The following PIRT variants were observed in gnomAD, a reference collection of about 807,000 sequenced individuals.
PIRT encodes phosphoinositide interacting regulator of transient receptor potential channels, also known as phosphoinositide-interacting protein.
A neutral mutation model predicts 7.9 loss-of-function variants in PIRT; 6 were observed. That is an observed-to-expected ratio of 0.76 (90% CI 0.42 to 1.51). The LOEUF is 1.51. Among genes scored for constraint, PIRT ranks in the 40% most tolerant of loss-of-function variants. The pLI is 0.01. For synonymous variants in PIRT, 78 were observed against 71.8 expected, an observed-to-expected ratio of 1.09 and a Z score of -0.44; for missense variants, 170 against 172.9, an observed-to-expected ratio of 0.98 and a Z score of 0.09.
intron 1 of PIRT, among the ~76,000 whole-genome samples, chr17:10,829,126 T>A (rs915298448): frequency 6.6e-6 from 1 of 152,236 alleles, no homozygotes; most frequent in African/African-American, 2.4e-5. Flanking sequence ...TGGTCTCATA[T>A]GAGGATGTTT....
At chr17:10,833,823 A>G (rs1905520491) in intron 1 of PIRT, among the ~76,000 whole-genome samples, 1 of 152,210 alleles carries the variant, frequency 6.6e-6, no homozygotes, top group African/African-American at 2.4e-5. Context: ...AATGGGCCAA[A>G]TGTTTAAATA....
At chr17:10,836,684 C>T (rs971314812) in intron 1 of PIRT, among the ~76,000 whole-genome samples, 1 of 152,104 alleles carries the variant, frequency 6.6e-6, no homozygotes, top group Non-Finnish European at 1.5e-5. Context: ...TCTGATAGCA[C>T]CTGGGCTGTT....
rs1183021989 is a variant in PIRT at position 10,825,764 on chromosome 17, G to A, written c.-119C>T. The A allele has an allele frequency of 3.0e-6, 3 of 1,002,182 alleles. No individual in the cohort carries two copies. Among genetic ancestry groups the A allele is most frequent in the Non-Finnish European group, 4.0e-6 (3 of 755,966 alleles). 62.1% of individuals were successfully genotyped at this position (1,002,182 alleles called of 1,614,324 possible). A position where few individuals can be genotyped will look rare whatever the true frequency, so the allele number is the denominator to read the frequency against. ...CATCTCTAGCCCCGCTCTCAGTGGA[G>A]GGTGAACAAGGTTTTTGTGCTGAAG... On this transcript the variant is annotated 5_prime_UTR_variant, in exon 2 of 2. Coordinates refer to ENST00000580256, the MANE Select transcript of PIRT (RefSeq NM_001101387.2).
chr17:10,824,034 T>C lies in PIRT; in HGVS notation c.*1198A>G, dbSNP rs1905260548. ...GTAACTCTTATCTTTCCTTTTGTTT[T>C]TGGGTTGGAGGACATGGCCTCCAGG... On this transcript the variant is annotated 3_prime_UTR_variant, in exon 2 of 2. Coordinates refer to ENST00000580256, the MANE Select transcript of PIRT (RefSeq NM_001101387.2). The C allele has an allele frequency of 6.6e-6, 1 of 152,236 alleles. No homozygotes were observed. Among genetic ancestry groups the C allele is most frequent in the Non-Finnish European group, 1.5e-5 (1 of 68,060 alleles). 9.4% of individuals were successfully genotyped at this position (152,236 alleles called of 1,614,324 possible). A position where few individuals can be genotyped will look rare whatever the true frequency, so the allele number is the denominator to read the frequency against.
Position 10,825,439 on chromosome 17 carries a change from G to T in PIRT, c.207C>A (p.Gly69=), listed in dbSNP as rs1304628469. Reference sequence around the variant, plus strand: ...TGTAGGCCAAGCAGGTGATGACCACGCCGAAAAGCAGGATGGCACCGCCCA... The same window carrying T: ...TGTAGGCCAAGCAGGTGATGACCACTCCGAAAAGCAGGATGGCACCGCCCA... ...MSVGGAILLF[G]VVITCLAYTL... The change falls in exon 2 of 2, where the codon GGC becomes GGA. Residue 69 remains glycine, a synonymous_variant. Transcript: ENST00000580256. 2 of 1,613,958 alleles carry T rather than the reference G, an allele frequency of 1.2e-6. No homozygotes were observed. Among genetic ancestry groups the T allele is most frequent in the Admixed American group, 1.7e-5 (1 of 60,020 alleles).
chr17:10,834,533 G>A (rs929261118), intron 1 of PIRT, among the ~76,000 whole-genome samples: 7 of 152,154 alleles, frequency 4.6e-5, no homozygotes, highest in African/African-American at 1.7e-4. Context: ...AGTGACATTG[G>A]TGGGGTTTGC....
intron 1 of PIRT, among the ~76,000 whole-genome samples, chr17:10,834,248 G>T (rs931589808): frequency 8.5e-5 from 13 of 152,178 alleles, no homozygotes; most frequent in African/African-American, 2.7e-4. Flanking sequence ...AGGATAAATG[G>T]TTGTATAATC....
chr17:10,826,681 C>T (rs538059258), intron 1 of PIRT, among the ~76,000 whole-genome samples: 1 of 152,368 alleles, frequency 6.6e-6, no homozygotes, highest in South Asian at 2.1e-4. Context: ...CGATAAGGAA[C>T]AGCCTGAGCT....
intron 1 of PIRT, among the ~76,000 whole-genome samples, chr17:10,833,594 A>C (rs971837289): frequency 6.6e-6 from 1 of 152,156 alleles, no homozygotes; most frequent in Non-Finnish European, 1.5e-5. Flanking sequence ...CTCTGCTAAA[A>C]ATACAAAAAA....
Position 10,834,685 on chromosome 17 carries a change from G to A in PIRT, c.-139+3260C>T, listed in dbSNP as rs902154148. Among the ~76,000 whole-genome samples the A allele has an allele frequency of 1.8e-4, 27 of 152,088 alleles. 1 individual carries two copies. Among genetic ancestry groups the A allele is most frequent in the Admixed American group, 8.5e-4 (13 of 15,272 alleles). On this transcript the variant is annotated intron_variant, in intron 1 of 1. Coordinates refer to ENST00000580256, the MANE Select transcript of PIRT (RefSeq NM_001101387.2). Reference sequence around the variant, plus strand: ...CAGCTCACAGCAACCTCTGCCTCCCGGGTTCACGCCATTCTCCTGCCTCAG... The same window carrying A: ...CAGCTCACAGCAACCTCTGCCTCCCAGGTTCACGCCATTCTCCTGCCTCAG...
intron 1 of PIRT, among the ~76,000 whole-genome samples, chr17:10,830,331 A>C (rs1905434733): frequency 6.6e-6 from 1 of 152,200 alleles, no homozygotes; most frequent in South Asian, 2.1e-4. Flanking sequence ...CAAGTCACTA[A>C]ACTTACTTGC....
chr17:10,835,302 C>T (rs888520465), intron 1 of PIRT, among the ~76,000 whole-genome samples: 14 of 152,332 alleles, frequency 9.2e-5, no homozygotes, highest in African/African-American at 2.6e-4. Flanking sequence ...GTGGGAGCCA[C>T]GCTAAATGCT....
chr17:10,833,156 C>T (rs980682179), intron 1 of PIRT, among the ~76,000 whole-genome samples: 12 of 152,170 alleles, frequency 7.9e-5, no homozygotes, highest in African/African-American at 2.9e-4. Context: ...GCTGGAACAA[C>T]TGGATATTCA....
Position 10,825,623 on chromosome 17 carries a change from T to C in PIRT, c.23A>G (p.Lys8Arg), listed in dbSNP as rs1046410917. The C allele has an allele frequency of 1.0e-5, 15 of 1,496,988 alleles. No individual in the cohort carries two copies. The highest frequency in any genetic ancestry group is 8.9e-7 in the Non-Finnish European group (1 of 1,120,390). 92.7% of individuals were successfully genotyped at this position (1,496,988 alleles called of 1,614,324 possible). The change falls in exon 2 of 2, where the codon AAG becomes AGG. Residue 8 changes from lysine (K) to arginine (R), a missense_variant. By Grantham distance (26) the Lys-to-Arg change is conservative. Transcript: ENST00000580256. Reference protein sequence around the residue: MTMETLPKVLEVDEKSPE... With the variant: MTMETLPRVLEVDEKSPE... ...AGACTTCTCATCGACCTCTAGAACC[T>C]TGGGGAGAGTCTCCATCGTCATGGT...
intron 1 of PIRT, among the ~76,000 whole-genome samples, chr17:10,829,118 G>A (rs1232593747): frequency 6.6e-6 from 1 of 152,146 alleles, no homozygotes; most frequent in African/African-American, 2.4e-5. Context: ...CTGCAACCTG[G>A]TCTCATATGA....
Position 10,825,369 on chromosome 17 carries a change from C to T in PIRT, c.277G>A (p.Gly93Arg), listed in dbSNP as rs772983121. 1.9e-6 allele frequency: 3 copies of T among 1,613,986 alleles called. No homozygotes were observed. Among genetic ancestry groups the T allele is most frequent in the Admixed American group, 3.3e-5 (2 of 60,012 alleles). The change falls in exon 2 of 2, where the codon GGG (glycine) becomes AGG (arginine). Residue 93 changes from glycine to arginine, a missense_variant. By Grantham distance (125) the Gly-to-Arg change is moderately radical. Coordinates refer to ENST00000580256, the MANE Select transcript of PIRT (RefSeq NM_001101387.2). ...AGTCCCAGGGACAGGAAGCCAGGCC[C>T]TACCATTTTGAGGATGGAGAGACTC... ...DKSLSILKMV[G>R]PGFLSLGLMM...
intron 1 of PIRT, among the ~76,000 whole-genome samples, chr17:10,832,899 G>A (rs769081256): frequency 6.6e-6 from 1 of 152,202 alleles, no homozygotes; most frequent in Non-Finnish European, 1.5e-5. Flanking sequence ...GGATGAGAGG[G>A]GGTCTGGGGA....
intron 1 of PIRT, among the ~76,000 whole-genome samples, chr17:10,834,378 G>A (rs1300752306): frequency 6.6e-6 from 1 of 152,054 alleles, no homozygotes; most frequent in East Asian, 1.9e-4. Context: ...TACCTATATG[G>A]CATGTTTCCA....
intron 1 of PIRT, among the ~76,000 whole-genome samples, chr17:10,828,436 G>A (rs976397025): frequency 1.3e-5 from 2 of 152,074 alleles, no homozygotes; most frequent in African/African-American, 2.4e-5. Context: ...TCTGTTTCCT[G>A]TTGGGCTACT....
Sources: allele counts gnomAD v4.1 joint callset (sites outside exome capture counted in the v4.1 genomes callset), GRCh38; gene constraint gnomAD v4.1.1; transcripts MANE v1.5; gene names NCBI Gene and HGNC (gene_info 2026-07-23, HGNC 2026-07-21).